The following RIMS2 variants were observed in gnomAD, a reference collection of about 807,000 sequenced individuals.
RIMS2 encodes regulating synaptic membrane exocytosis 2.
Under a neutral mutation model 174.4 loss-of-function variants are expected in RIMS2, and 59 were observed. The observed-to-expected ratio is 0.34, with a 90% CI of 0.27 to 0.42. RIMS2 has a LOEUF of 0.42. RIMS2 is among the 10% of genes least tolerant of loss of function. The pLI, the probability that RIMS2 is intolerant of heterozygous loss-of-function variation, is 1.00. For missense variants in RIMS2, 1,620 were observed against 1,666.3 expected (o/e 0.97, Z 0.48); for synonymous variants, 606 against 572.5 (o/e 1.06, Z -0.84).
chr8:103,503,817 T>C (rs1353256756), intron 1 of RIMS2, among the ~76,000 whole-genome samples: 1 of 152,008 alleles, frequency 6.6e-6, no homozygotes, highest in Non-Finnish European at 1.5e-5. Flanking sequence ...ATTTTAAATA[T>C]GCATGTAGTG....
chr8:104,214,760 G>C (rs912195048), intron 19 of RIMS2, among the ~76,000 whole-genome samples: 3 of 152,140 alleles, frequency 2.0e-5, no homozygotes, highest in African/African-American at 7.2e-5. Flanking sequence ...CTTTAACAGA[G>C]TATCTTAAGT....
Position 103,712,111 on chromosome 8 carries a change from C to A in RIMS2, c.387+14815C>A, listed in dbSNP as rs192027202. ...GGTTCAAGGAATCCTCCTGCTTCAG[C>A]CTCCTGAGTAGCTGAGACTACAGGT... On this transcript the variant is annotated intron_variant, in intron 2 of 23. Coordinates refer to ENST00000504942, the Ensembl canonical transcript of RIMS2. Among the ~76,000 whole-genome samples the A allele has an allele frequency of 2.7e-3, 405 of 151,736 alleles. 4 individuals carry two copies. The highest frequency in any genetic ancestry group is 9.2e-3 in the African/African-American group (382 of 41,358).
At chr8:103,524,289 A>G (rs148782588) in intron 1 of RIMS2, among the ~76,000 whole-genome samples, 1 of 152,296 alleles carries the variant, frequency 6.6e-6, no homozygotes, top group East Asian at 1.9e-4. Context: ...GGAAGAATGG[A>G]CAAGAAACAC....
chr8:104,023,930 G>GAATT (rs1267806526), intron 19 of RIMS2, among the ~76,000 whole-genome samples: 2 of 152,112 alleles, frequency 1.3e-5, no homozygotes, highest in African/African-American at 4.8e-5. Context: ...TTGAAGGAGA[G>GAATT]AATTTATCAA....
At chr8:104,007,961 C>A (rs1164269569) in intron 17 of RIMS2, among the ~76,000 whole-genome samples, 2 of 152,070 alleles carry the variant, frequency 1.3e-5, no homozygotes, top group African/African-American at 4.8e-5. Context: ...ATTTCTCTAT[C>A]CACGTAAAAA....
chr8:103,925,817 A>G (rs1595272594), intron 10 of RIMS2, among the ~76,000 whole-genome samples: 1 of 151,570 alleles, frequency 6.6e-6, no homozygotes, highest in African/African-American at 2.4e-5. Flanking sequence ...AATATTTTGA[A>G]ACTGGAAGGA....
intron 19 of RIMS2, among the ~76,000 whole-genome samples, chr8:104,048,218 A>T (rs1308570474): frequency 6.6e-6 from 1 of 152,160 alleles, no homozygotes; most frequent in Non-Finnish European, 1.5e-5. Flanking sequence ...TAACATCTGA[A>T]TAACTTTTAC....
intron 19 of RIMS2, among the ~76,000 whole-genome samples, chr8:104,233,396 A>G (rs185414281): frequency 6.6e-6 from 1 of 152,296 alleles, no homozygotes; most frequent in Non-Finnish European, 1.5e-5. Flanking sequence ...AATGTATGGT[A>G]GCCACAGAAA....
At chr8:103,916,618 G>A in intron 8 of RIMS2, 81 bp downstream of exon 11, 1 of 1,127,284 alleles carries the variant, frequency 8.9e-7, no homozygotes, top group Non-Finnish European at 1.2e-6. Context: ...AATAATTTCT[G>A]ATTGCTTTAT....
intron 2 of RIMS2, among the ~76,000 whole-genome samples, chr8:103,731,261 T>C (rs1468818331): frequency 6.6e-6 from 1 of 152,176 alleles, no homozygotes; most frequent in Non-Finnish European, 1.5e-5. Flanking sequence ...TCTTTCCCAC[T>C]TGAAAGATGT....
intron 4 of RIMS2, chr8:103,909,990 C>CTA (rs112720274): frequency 0.16 from 59,774 of 381,438 alleles, 2,323 homozygotes; most frequent in African/African-American, 0.19. Context: ...ATAGCACTCA[C>CTA]TATATATATA....
chr8:104,137,078 A>G (rs889989052), intron 19 of RIMS2, among the ~76,000 whole-genome samples: 1 of 152,186 alleles, frequency 6.6e-6, no homozygotes, highest in African/African-American at 2.4e-5. Context: ...TTATTTTATG[A>G]ATGGTTTTTA....
rs188071349 is a variant in RIMS2 at position 104,206,512 on chromosome 8, T to A, written c.3335-38404T>A. Among the ~76,000 whole-genome samples, 591 of 152,336 alleles carry A rather than the reference T, an allele frequency of 3.9e-3. 17 individuals carry two copies. The highest frequency in any genetic ancestry group is 0.037 in the Admixed American group (566 of 15,298). On this transcript the variant is annotated intron_variant, in intron 19 of 23. Coordinates refer to ENST00000504942, the Ensembl canonical transcript of RIMS2. ...CCATTTAAAATAATATAAAATATAA[T>A]GATGATAATAATACTTCCTGAGTTC...
At chr8:103,991,008 C>T (rs1214060847) in intron 17 of RIMS2, among the ~76,000 whole-genome samples, 1 of 151,466 alleles carries the variant, frequency 6.6e-6, no homozygotes, top group Non-Finnish European at 1.5e-5. Flanking sequence ...CCTATTAAAG[C>T]CTAGATGATT....
chr8:104,192,267 G>A (rs1178216923), intron 19 of RIMS2, among the ~76,000 whole-genome samples: 1 of 152,042 alleles, frequency 6.6e-6, no homozygotes, highest in African/African-American at 2.4e-5. Context: ...AAAAATGCAT[G>A]CTTTGTGAAA....
At position 103,623,478 on chromosome 8, in the gene RIMS2, G is replaced by GTTTTTTTT. The variant is rs71575976; in HGVS notation, c.177-73591_177-73584dup. On this transcript the variant is annotated intron_variant, in intron 1 of 23. Transcript: ENST00000504942. ...TAAAAATTAAACTAGGGTTTCTTCAGTTTTTTTTTTTTTTTTTTTTTTTTG... is the reference window on the plus strand; with the variant it reads ...TAAAAATTAAACTAGGGTTTCTTCAGTTTTTTTTTTTTTTTTTTTTTTTTTTTTTTTTG... Among the ~76,000 whole-genome samples the GTTTTTTTT allele has an allele frequency of 2.8e-4, 23 of 83,228 alleles. 3 individuals carry two copies. Among genetic ancestry groups the GTTTTTTTT allele is most frequent in the African/African-American group, 5.7e-4 (12 of 20,920 alleles). 54.6% of individuals were successfully genotyped at this position (83,228 alleles called of 152,430 possible). A position where few individuals can be genotyped will look rare whatever the true frequency, so the allele number is the denominator to read the frequency against.
At chr8:103,898,456 T>C (rs2099304494) in intron 4 of RIMS2, among the ~76,000 whole-genome samples, 1 of 151,650 alleles carries the variant, frequency 6.6e-6, no homozygotes, top group Admixed American at 6.6e-5. Context: ...GCAGTATTAA[T>C]TATTTAGGGA....
chr8:104,182,485 C>T (rs1002389533), intron 19 of RIMS2, among the ~76,000 whole-genome samples: 13 of 151,818 alleles, frequency 8.6e-5, no homozygotes, highest in South Asian at 2.1e-4. Context: ...ACCTTTATTA[C>T]CTCAAAAAGA....
chr8:103,892,801 C>A (rs372593618), intron 4 of RIMS2, among the ~76,000 whole-genome samples: 2 of 151,990 alleles, frequency 1.3e-5, no homozygotes, highest in East Asian at 3.9e-4. Context: ...TGAGCCACTG[C>A]ACCTGGCCCA....
Sources: gnomAD v4.1 joint callset for allele counts (sites outside exome capture counted in the v4.1 genomes callset) on GRCh38, gnomAD v4.1.1 for gene constraint, MANE v1.5 for transcripts, NCBI Gene and HGNC (gene_info 2026-07-23, HGNC 2026-07-21) for gene names.